Variants in TRIQK observed in about 807,000 individuals in gnomAD.
The protein encoded by TRIQK is triple QxxK/R motif-containing protein.
TRIQK carries 10 observed loss-of-function variants against 10.8 expected under a neutral mutation model. The ratio of observed to expected loss-of-function variants is 0.92; its 90% CI spans 0.57 to 1.57. The LOEUF (loss-of-function observed/expected upper bound fraction) is 1.57, where lower values mean the gene tolerates loss of function less well. Among genes scored for constraint, TRIQK ranks in the 40% most tolerant of loss-of-function variants. TRIQK has a pLI of 0.00. For missense variants in TRIQK, 107 were observed against 97.7 expected (o/e 1.09, Z -0.40); for synonymous variants, 33 against 33.7 (o/e 0.98, Z 0.07).
intron 1 of TRIQK, among the ~76,000 whole-genome samples, chr8:93,004,647 G>A (rs1295184785): frequency 6.6e-6 from 1 of 152,128 alleles, no homozygotes; most frequent in African/African-American, 2.4e-5. Context: ...ATAAGTTCTT[G>A]TTTCAGGTCA....
intron 1 of TRIQK, among the ~76,000 whole-genome samples, chr8:92,977,292 T>C (rs993425478): frequency 8.5e-5 from 13 of 152,052 alleles, no homozygotes; most frequent in African/African-American, 3.1e-4. Flanking sequence ...AGTACTTTAA[T>C]GACGTTCACT....
At chr8:92,925,223 CT>C (rs1321102631) in intron 2 of TRIQK, among the ~76,000 whole-genome samples, 5 of 152,074 alleles carry the variant, frequency 3.3e-5, no homozygotes, top group African/African-American at 1.2e-4. Flanking sequence ...TATTTAACCC[CT>C]ATCTCATATC....
intron 1 of TRIQK, chr8:92,963,441 T>A (rs1363925231): frequency 2.0e-5 from 3 of 151,552 alleles, no homozygotes; most frequent in African/African-American, 7.3e-5. Context: ...CAAATTAAAA[T>A]GTTATAAAAG....
At chr8:93,015,517 C>T (rs1813376597) in intron 1 of TRIQK, among the ~76,000 whole-genome samples, 1 of 147,588 alleles carries the variant, frequency 6.8e-6, no homozygotes, top group Non-Finnish European at 1.5e-5. Flanking sequence ...TGAATTCTAA[C>T]TAGGAATGAC....
chr8:92,993,013 A>G (rs1302819342), intron 1 of TRIQK, among the ~76,000 whole-genome samples: 1 of 152,158 alleles, frequency 6.6e-6, no homozygotes, highest in Admixed American at 6.5e-5. Context: ...CCAATCAAAG[A>G]GGTCAAAAGG....
intron 2 of TRIQK, among the ~76,000 whole-genome samples, chr8:92,949,671 GGAAAGAAAGAAA>G (rs375957646): frequency 8.0e-5 from 5 of 62,630 alleles, no homozygotes; most frequent in East Asian, 4.5e-4. Flanking sequence ...AGAAAGAGAA[GGAAAGAAAGAAA>G]GAAAGAAAGA....
intron 2 of TRIQK, among the ~76,000 whole-genome samples, chr8:92,951,593 C>G (rs1045454994): frequency 5.3e-5 from 8 of 152,122 alleles, no homozygotes; most frequent in Non-Finnish European, 1.5e-5. Flanking sequence ...AGGACTCCCA[C>G]ACTCTGTGAG....
At chr8:92,909,657 A>G (rs554844336) in intron 3 of TRIQK, among the ~76,000 whole-genome samples, 1 of 151,934 alleles carries the variant, frequency 6.6e-6, no homozygotes, top group African/African-American at 2.4e-5. Flanking sequence ...TAGAGCTGCT[A>G]AAGATAAACC....
intron 1 of TRIQK, among the ~76,000 whole-genome samples, chr8:92,996,770 T>G (rs1052621558): frequency 4.6e-5 from 7 of 151,984 alleles, no homozygotes; most frequent in African/African-American, 1.7e-4. Context: ...GCTCTTCTTT[T>G]GGGAAGTTTA....
intron 1 of TRIQK, chr8:92,973,284 T>C (rs1281531151): frequency 6.6e-6 from 1 of 152,236 alleles, no homozygotes; most frequent in Non-Finnish European, 1.5e-5. Context: ...TGATTCTGGA[T>C]ATCAGTAAAT....
At chr8:92,938,632 A>G (rs1286779346) in intron 2 of TRIQK, among the ~76,000 whole-genome samples, 1 of 152,152 alleles carries the variant, frequency 6.6e-6, no homozygotes, top group Non-Finnish European at 1.5e-5. Flanking sequence ...ACATCTACAC[A>G]TATATGAGAC....
At chr8:92,898,872 T>TATATATATATATAA (rs1808768080) in intron 3 of TRIQK, among the ~76,000 whole-genome samples, 1 of 122,816 alleles carries the variant, frequency 8.1e-6, no homozygotes, top group African/African-American at 3.1e-5. Flanking sequence ...TATATATATA[T>TATATATATATATAA]AGATGGGGGT....
intron 1 of TRIQK, among the ~76,000 whole-genome samples, chr8:93,001,415 T>C (rs1366683985): frequency 6.8e-6 from 1 of 146,820 alleles, no homozygotes; most frequent in Admixed American, 6.7e-5. Context: ...AGGACACACA[T>C]AGACTGAAAA....
intron 3 of TRIQK, among the ~76,000 whole-genome samples, chr8:92,903,021 T>C (rs1382908105): frequency 6.6e-6 from 1 of 151,816 alleles, no homozygotes; most frequent in African/African-American, 2.4e-5. Context: ...ATATTCTAAA[T>C]TATGTTTAAA....
At chr8:92,978,420 C>T (rs1812953705) in intron 1 of TRIQK, among the ~76,000 whole-genome samples, 2 of 152,104 alleles carry the variant, frequency 1.3e-5, no homozygotes, top group African/African-American at 2.4e-5. Context: ...AAGTTTAAAT[C>T]CAATTTCTGT....
intron 2 of TRIQK, among the ~76,000 whole-genome samples, chr8:92,928,625 T>C (rs1471190337): frequency 6.6e-6 from 1 of 152,216 alleles, no homozygotes; most frequent in African/African-American, 2.4e-5. Flanking sequence ...GAACCATTGA[T>C]TATCTTTTTA....
chr8:92,909,741 C>T (rs1161090900), intron 3 of TRIQK, among the ~76,000 whole-genome samples: 1 of 151,478 alleles, frequency 6.6e-6, no homozygotes, highest in African/African-American at 2.4e-5. Context: ...AAAATTTATA[C>T]ATGGAGGAGA....
chr8:92,963,577 T>C (rs937455490), intron 1 of TRIQK: 1 of 152,092 alleles, frequency 6.6e-6, no homozygotes, highest in African/African-American at 2.4e-5. Context: ...TGAGAAAGTT[T>C]ATGGATTTAA....
rs1193658066 is a variant in TRIQK, at chr8:92,886,322, A to G, written c.*300T>C. On this transcript the variant is annotated 3_prime_UTR_variant, in exon 5 of 5. Transcript: ENST00000521988. Reference sequence around the variant, plus strand: ...AGGAAGTGATGGAATTATACACATAAATTGGCAATGACATTTGAAAAATTT... The same window carrying G: ...AGGAAGTGATGGAATTATACACATAGATTGGCAATGACATTTGAAAAATTT... The G allele has an allele frequency of 5.5e-6, 1 of 180,872 alleles. No individual in the cohort carries two copies. The highest frequency in any genetic ancestry group is 1.1e-5 in the Non-Finnish European group (1 of 87,206). The allele number at this position is 180,872 out of a possible 1,614,324, so 11.2% of individuals were successfully genotyped here.
Sources: gnomAD v4.1 joint callset for allele counts (sites outside exome capture counted in the v4.1 genomes callset) on GRCh38, gnomAD v4.1.1 for gene constraint, MANE v1.5 for transcripts, NCBI Gene and HGNC (gene_info 2026-07-23, HGNC 2026-07-21) for gene names.